The following PCM1 variants were observed in gnomAD, a reference collection of about 807,000 sequenced individuals.
PCM1 encodes the protein pericentriolar material 1.
PCM1 carries 157 observed loss-of-function variants against 241.9 expected under a neutral mutation model. The ratio of observed to expected loss-of-function variants is 0.65; its 90% CI spans 0.57 to 0.74. The LOEUF (loss-of-function observed/expected upper bound fraction) is 0.74, where lower values mean the gene tolerates loss of function less well. Ranked by LOEUF, PCM1 falls within the 30% of genes least tolerant of loss-of-function variation. The pLI is 0.00. For synonymous variants in PCM1, 1,085 were observed against 784.9 expected (o/e 1.38, Z -6.39); for missense variants, 3,478 against 2,360.1 (o/e 1.47, Z -9.81).
At chr8:17,996,248 A>T (rs957948470) in intron 29 of PCM1, among the ~76,000 whole-genome samples, 8 of 152,074 alleles carry the variant, frequency 5.3e-5, no homozygotes, top group Non-Finnish European at 1.2e-4. Flanking sequence ...TCATGAAAGG[A>T]TGTTGAATTT....
In PCM1 at chr8:18,018,573, G is replaced by C. The variant is rs142528707; in HGVS notation, c.5841+3733G>C. Among the ~76,000 whole-genome samples the C allele has an allele frequency of 1.3e-3, 203 of 152,094 alleles. 1 individual carries two copies. Among genetic ancestry groups the C allele is most frequent in the African/African-American group, 4.7e-3 (194 of 41,478 alleles). On this transcript the variant is annotated intron_variant, in intron 36 of 38. Transcript: ENST00000325083. ...CACACCTTTAATCCCAGCACTTTGG[G>C]AGGCCGAGGCGGGCGGATCAGGAGG...
rs2060675038 is a variant in PCM1, at chr8:17,937,168, CATCAGAAAA to C, written c.132_140del (p.Ser45_Lys47del). On this transcript the variant is annotated inframe_deletion, in exon 4 of 39. Coordinates refer to ENST00000325083, the MANE Select transcript of PCM1 (RefSeq NM_006197.4). Reference sequence around the variant, plus strand: ...GCCCAACAGAAGAAAGCAAATAGATCATCAGAAAAGAATAAGAAAAAGTTTGGTGTAGAA... The same window carrying C: ...GCCCAACAGAAGAAAGCAAATAGATCGAATAAGAAAAAGTTTGGTGTAGAA... The C allele has an allele frequency of 6.3e-7, 1 of 1,576,348 alleles. No homozygotes were observed. The highest frequency in any genetic ancestry group is 1.9e-5 in the Admixed American group (1 of 53,840).
rs139706442 is a variant in PCM1 at position 18,029,366 on chromosome 8, A to T, written c.*1704A>T. On this transcript the variant is annotated 3_prime_UTR_variant, in exon 39 of 39. Transcript: ENST00000325083. Reference sequence around the variant, plus strand: ...GAGTTCTTATCCAGGTGCTCTAACTAACTTCAGGGAAATTGGAACAATAAG... The same window carrying T: ...GAGTTCTTATCCAGGTGCTCTAACTTACTTCAGGGAAATTGGAACAATAAG... 6.0e-4 allele frequency: 129 copies of T among 213,674 alleles called. 2 individuals are homozygous for T. In the East Asian group the frequency reaches 8.3e-3, roughly 14 times the overall value. 13.2% of individuals were successfully genotyped at this position (213,674 alleles called of 1,614,324 possible).
At chr8:18,007,050 C>A (rs1044043919) in intron 30 of PCM1, among the ~76,000 whole-genome samples, 2 of 152,160 alleles carry the variant, frequency 1.3e-5, no homozygotes, top group Non-Finnish European at 2.9e-5. Context: ...TCAACAGTGC[C>A]AAGGTTGAGA....
At chr8:18,026,698 C>T (rs1396424600) in intron 38 of PCM1, among the ~76,000 whole-genome samples, 2 of 151,872 alleles carry the variant, frequency 1.3e-5, no homozygotes, top group African/African-American at 4.8e-5. Flanking sequence ...ACCTCTCTCT[C>T]CTCCTCCTCT....
chr8:18,020,530 A>G (rs2093667482), intron 36 of PCM1, among the ~76,000 whole-genome samples: 1 of 152,170 alleles, frequency 6.6e-6, no homozygotes, highest in South Asian at 2.1e-4. Context: ...AGGAAGACCA[A>G]AACTGTGTGT....
chr8:17,925,257 T>C (rs948338142), intron 2 of PCM1: 2 of 152,232 alleles, frequency 1.3e-5, no homozygotes, highest in Non-Finnish European at 2.9e-5. Flanking sequence ...TTTCCTGGTA[T>C]AAAGTTACTT....
At chr8:17,979,175 G>A (rs185073047) in intron 23 of PCM1, among the ~76,000 whole-genome samples, 2 of 151,570 alleles carry the variant, frequency 1.3e-5, no homozygotes, top group Admixed American at 6.6e-5. Flanking sequence ...AATAAAGACT[G>A]TTAGCCAGTG....
chr8:18,017,712 G>T (rs148085211), intron 36 of PCM1, among the ~76,000 whole-genome samples: 186 of 152,260 alleles, frequency 1.2e-3, no homozygotes, highest in African/African-American at 4.4e-3. Context: ...AATTAGCCAG[G>T]CGTGGTGACA....
At chr8:17,943,592 T>C (rs1221375780) in intron 6 of PCM1, among the ~76,000 whole-genome samples, 1 of 152,212 alleles carries the variant, frequency 6.6e-6, no homozygotes, top group Non-Finnish European at 1.5e-5. Context: ...TTGAATAATA[T>C]CCTTATAAGT....
In PCM1 at chr8:17,989,982, A is replaced by G. The variant is rs538294564; in HGVS notation, c.4531+3A>G. On this transcript the variant is annotated splice_donor_region_variant and intron_variant, in intron 27 of 38. Coordinates refer to ENST00000325083, the MANE Select transcript of PCM1 (RefSeq NM_006197.4). ...GCCTTTTGCAACAGATGATCTAGGT[A>G]AGCAGAATTGTTTATAATCTTAGAA... 37 of 1,524,244 alleles carry G rather than the reference A, an allele frequency of 2.4e-5. No individual in the cohort carries two copies. Among genetic ancestry groups the G allele is most frequent in the Non-Finnish European group, 2.9e-5 (33 of 1,135,594 alleles). 94.4% of individuals were successfully genotyped at this position (1,524,244 alleles called of 1,614,324 possible).
chr8:17,997,466 G>A (rs1365292088), intron 29 of PCM1, among the ~76,000 whole-genome samples: 1 of 151,992 alleles, frequency 6.6e-6, no homozygotes, highest in African/African-American at 2.4e-5. Flanking sequence ...CCTCTTTAAG[G>A]CCAATAACTT....
At chr8:17,989,785 G>A (rs1331367755) in intron 26 of PCM1, 74 bp from the exon 27 acceptor site, 16 of 1,016,074 alleles carry the variant, frequency 1.6e-5, no homozygotes, top group South Asian at 5.1e-5. Flanking sequence ...TAAATACTTA[G>A]TTATCTCTGT....
chr8:17,927,790 C>G (rs917624778), intron 2 of PCM1: 1 of 150,794 alleles, frequency 6.6e-6, no homozygotes, highest in African/African-American at 2.4e-5. Flanking sequence ...ACCTCGTGAT[C>G]CGCCCGCCTC....
chr8:18,012,383 C>T (rs1193562181), intron 34 of PCM1, among the ~76,000 whole-genome samples: 4 of 152,118 alleles, frequency 2.6e-5, no homozygotes, highest in Admixed American at 2.0e-4. Context: ...GGCCCCAAAG[C>T]ACAAGAGAAT....
intron 24 of PCM1, among the ~76,000 whole-genome samples, chr8:17,983,749 AT>A (rs1335893195): frequency 1.3e-5 from 2 of 152,144 alleles, no homozygotes; most frequent in African/African-American, 2.4e-5. Flanking sequence ...CCCAAATACT[AT>A]TTTAGTCTCT....
chr8:17,943,688 A>G (rs73580073), intron 6 of PCM1, among the ~76,000 whole-genome samples: 2,540 of 152,082 alleles, frequency 0.017, 72 homozygotes, highest in African/African-American at 0.058. Context: ...TTGTTCTGTT[A>G]GTATTCTATT....
At chr8:17,997,714 T>A (rs1355711095) in intron 29 of PCM1, among the ~76,000 whole-genome samples, 1 of 151,980 alleles carries the variant, frequency 6.6e-6, no homozygotes, top group African/African-American at 2.4e-5. Flanking sequence ...TTTATTAAAT[T>A]TATCTATGAA....
chr8:17,996,849 C>T (rs901150165), intron 29 of PCM1, among the ~76,000 whole-genome samples: 2 of 152,074 alleles, frequency 1.3e-5, no homozygotes, highest in Admixed American at 1.3e-4. Context: ...TGTTGTTTCT[C>T]TTTATATCTT....
Sources: allele counts gnomAD v4.1 joint callset (sites outside exome capture counted in the v4.1 genomes callset), GRCh38; gene constraint gnomAD v4.1.1; transcripts MANE v1.5; gene names NCBI Gene and HGNC (gene_info 2026-07-23, HGNC 2026-07-21).